CACNA1F: variants seen among roughly 807,000 people sequenced by gnomAD.
CACNA1F encodes calcium voltage-gated channel subunit alpha1 F.
In CACNA1F, 59 loss-of-function variants were observed where a neutral mutation model predicts 143.8. The observed-to-expected ratio is 0.41, with a 90% confidence interval of 0.33 to 0.51. CACNA1F has a LOEUF of 0.51. Ranked by LOEUF, CACNA1F falls within the 20% of genes least tolerant of loss-of-function variation. The pLI, the probability that CACNA1F is intolerant of heterozygous loss-of-function variation, is 0.22. For synonymous variants in CACNA1F, 643 were observed against 649.1 expected (o/e 0.99, Z 0.14); for missense variants, 1,411 against 1,647.5 (o/e 0.86, Z 2.48).
At chrX:49,206,392 CAA>C (rs1168190548) in intron 46 of CACNA1F, 117 bp downstream of exon 46, 6,916 of 149,107 alleles carry the variant, frequency 0.046, no homozygotes, top group East Asian at 0.08. Flanking sequence ...AACTCTGTCT[CAA>C]AAAAAAAAAA....
In CACNA1F at chrX:49,209,914, C is replaced by T. The variant is rs782221926; in HGVS notation, c.4690+27G>A. 14 of 1,147,672 alleles carry T rather than the reference C, an allele frequency of 1.2e-5. No individual in the cohort carries two copies. The East Asian group carries it at 1.8e-4, about 15-fold the overall frequency. 94.6% of individuals were successfully genotyped at this position (1,147,672 alleles called of 1,213,427 possible). A position where few individuals can be genotyped will look rare whatever the true frequency, so the allele number is the denominator to read the frequency against. ...ATCATCTGCCATTCAGGGGCTGGCGCGGGGAACTGGGGCGGGGATAGCTCA... is the reference window on the plus strand; with the variant it reads ...ATCATCTGCCATTCAGGGGCTGGCGTGGGGAACTGGGGCGGGGATAGCTCA... On this transcript the variant is annotated intron_variant, in intron 40 of 47. Coordinates refer to ENST00000323022, the MANE Select transcript of CACNA1F (RefSeq NM_001256789.3).
At chrX:49,214,407 G>C in intron 29 of CACNA1F, 138 bp from the exon 30 acceptor site, 1 of 512,112 alleles carries the variant, frequency 2.0e-6, no homozygotes, top group Non-Finnish European at 3.5e-6. Flanking sequence ...TGCACTGTCT[G>C]CCTCCCATTA....
In CACNA1F at chrX:49,230,567, G is replaced by A. The variant is rs112730838; in HGVS notation, c.564C>T (p.Gly188=). ...GCTTTCCCCCGGTGTGCGGGGCGTC[G>A]CCTGGCCGTCCGGGGCCCTGCTCCA... The part of the protein sequence containing the change: ...VLLEQGPGRP[G]DAPHTGGKPG... Residue 188 remains glycine, a synonymous_variant, in exon 5 of 48, where the codon GGC becomes GGT. Transcript: ENST00000323022. 1.4e-5 allele frequency: 16 copies of A among 1,176,340 alleles called. No homozygotes were observed. The highest frequency in any genetic ancestry group is 2.5e-5 in the Admixed American group (1 of 40,455).
At chrX:49,218,839 G>C (rs781893732) in intron 22 of CACNA1F, 43 bp downstream of exon 22, 293 of 1,129,777 alleles carry the variant, frequency 2.6e-4, no homozygotes, top group Middle Eastern at 5.9e-4. Flanking sequence ...GGTGGGGAGA[G>C]TGCCAGGGCA....
rs782773906 is a variant in CACNA1F, at chrX:49,221,114, G to A, written c.2289-34C>T. 1.7e-5 allele frequency: 19 copies of A among 1,127,430 alleles called. No individual in the cohort carries two copies. In the South Asian group the frequency reaches 2.2e-4, roughly 13 times the overall value. The allele number at this position is 1,127,430 out of a possible 1,213,427, so 92.9% of individuals were successfully genotyped here. On this transcript the variant is annotated intron_variant, in intron 17 of 47. Coordinates refer to ENST00000323022, the MANE Select transcript of CACNA1F (RefSeq NM_001256789.3). The stretch of plus-strand genomic sequence containing the variant: ...GGAAATAGGGGTGATTGCTGCAGAT[G>A]GGCTAAGGGAGATCACTACAGTCAG...
intron 8 of CACNA1F, 119 bp downstream of exon 8, chrX:49,227,917 T>G: frequency 3.7e-6 from 2 of 544,266 alleles, no homozygotes; most frequent in Non-Finnish European, 6.6e-6. Context: ...CAATAGATGC[T>G]CATGATTGAA....
chrX:49,225,437 C>T (rs2065814282), intron 13 of CACNA1F, among the ~76,000 whole-genome samples: 1 of 111,284 alleles, frequency 9.0e-6, no homozygotes, highest in South Asian at 3.8e-4. Flanking sequence ...ATCATTTACT[C>T]CTCTTCGCTG....
chrX:49,226,256 G>A lies in CACNA1F; in HGVS notation c.1464-13C>T, dbSNP rs951817259. 8 of 1,201,010 alleles carry A rather than the reference G, an allele frequency of 6.7e-6. No homozygotes were observed. Among genetic ancestry groups the A allele is most frequent in the Non-Finnish European group, 7.9e-6 (7 of 885,754 alleles). On this transcript the variant is annotated splice_polypyrimidine_tract_variant and intron_variant, in intron 11 of 47. Coordinates refer to ENST00000323022, the MANE Select transcript of CACNA1F (RefSeq NM_001256789.3). ...CATGATCTTGTTTCTGAAAAAGAAG[G>A]GGGATGGGAGGTGTGTGTCGTAAAG...
In CACNA1F at chrX:49,209,398, G is replaced by T. The variant is rs1557105686; in HGVS notation, c.4822-5C>A. On this transcript the variant is annotated splice_polypyrimidine_tract_variant and splice_region_variant and intron_variant, in intron 41 of 47. Transcript: ENST00000323022. ...CTGCAGGCTCCGCAGACCAGCCTGT[G>T]GGGGTGGAGAAATAGGTAAGCAGGC... 5.0e-6 allele frequency: 6 copies of T among 1,207,700 alleles called. No individual in the cohort carries two copies. The highest frequency in any genetic ancestry group is 1.8e-5 in the South Asian group (1 of 56,642).
Position 49,209,353 on chromosome X carries a change from C to G in CACNA1F, c.4862G>C (p.Arg1621Pro), listed in dbSNP as rs1187765018. 20 of 1,209,561 alleles carry G rather than the reference C, an allele frequency of 1.7e-5. No homozygotes were observed. Among genetic ancestry groups the G allele is most frequent in the Non-Finnish European group, 2.2e-5 (20 of 893,898 alleles). ...CTCTGTGTCACAGGTGAGGGCCTGC[C>G]GCATCTCAGGACCCAAGTCCTGCAG... ...RSLQDLGPEM[R>P]QALTCDTEEE... The change falls in exon 42 of 48, where the codon CGG becomes CCG. Residue 1621 changes from arginine (R) to proline (P), a missense_variant. Arg to Pro is a moderately radical substitution (Grantham distance 103). Coordinates refer to ENST00000323022, the MANE Select transcript of CACNA1F (RefSeq NM_001256789.3).
At chrX:49,222,472 A>T in intron 17 of CACNA1F, 50 bp downstream of exon 17, 2 of 1,054,926 alleles carry the variant, frequency 1.9e-6, no homozygotes, top group Non-Finnish European at 2.6e-6. Flanking sequence ...AGGGGTTCCC[A>T]GTCAGGGATC....
Position 49,211,468 on chromosome X carries a change from C to T in CACNA1F, c.4114G>A (p.Glu1372Lys). 2 of 1,208,738 alleles carry T rather than the reference C, an allele frequency of 1.7e-6. No individual in the cohort carries two copies. The highest frequency in any genetic ancestry group is 2.2e-6 in the Non-Finnish European group (2 of 892,708). Residue 1372 changes from glutamate to lysine, a missense_variant, in exon 36 of 48, where the codon GAG becomes AAG. Glu to Lys is a moderately conservative substitution (Grantham distance 56). Coordinates refer to ENST00000323022, the MANE Select transcript of CACNA1F (RefSeq NM_001256789.3). ...GCAAGCATTATCTCCTGCCATGCCT[C>T]ACCAGTGGCACACCTGGTGGGAGTC... ...VLLLFRCATG[E>K]AWQEIMLASL...
rs11796927 is a variant in CACNA1F, at chrX:49,232,109, T to C, written c.26-182A>G. On this transcript the variant is annotated intron_variant, in intron 1 of 47. Coordinates refer to ENST00000323022, the MANE Select transcript of CACNA1F (RefSeq NM_001256789.3). ...GTTCGAATTAAGATTAGAGTGAGAG[T>C]TTATAGGGGAGTGAAGGTGAGATTA... Among the ~76,000 whole-genome samples, 5,585 of 110,152 alleles carry C rather than the reference T, an allele frequency of 0.051. 175 individuals are homozygous for C. Among genetic ancestry groups the C allele is most frequent in the Non-Finnish European group, 0.079 (4,138 of 52,661 alleles).
At chrX:49,221,545 A>G (rs2065774929) in intron 17 of CACNA1F, among the ~76,000 whole-genome samples, 1 of 109,508 alleles carries the variant, frequency 9.1e-6, no homozygotes, top group African/African-American at 3.3e-5. Context: ...TTGTATTTTT[A>G]GTAGAGACAG....
intron 33 of CACNA1F, 48 bp from the exon 34 acceptor site, chrX:49,212,356 C>A: frequency 2.0e-6 from 2 of 1,012,727 alleles, no homozygotes; most frequent in Non-Finnish European, 1.4e-6. Context: ...CAGGCTCAGG[C>A]AAAGAACTAT....
chrX:49,209,831 C>T, intron 40 of CACNA1F, 72 bp from the exon 41 acceptor site: 1 of 1,171,155 alleles, frequency 8.5e-7, no homozygotes, highest in Non-Finnish European at 1.2e-6. Context: ...GCCTCTCTAC[C>T]CACCAGCATG....
Position 49,215,182 on chromosome X carries a change from C to A in CACNA1F, c.3501G>T (p.Pro1167=), listed in dbSNP as rs143720262. ...CAGTGGCCCACACACGATACTGATG[C>A]GGGTTCTTGGGGATGTAACGGCGGA... ...QPLRRYIPKN[P]HQYRVWATVN... is the part of the protein sequence containing the mutation. The change falls in exon 29 of 48, where the codon CCG becomes CCT. Residue 1167 remains proline, a synonymous_variant. Coordinates refer to ENST00000323022, the MANE Select transcript of CACNA1F (RefSeq NM_001256789.3). 1.4e-5 allele frequency: 17 copies of A among 1,208,162 alleles called. No homozygotes were observed.
chrX:49,231,146 G>A (rs1602657629), intron 3 of CACNA1F, 56 bp downstream of exon 3: 1 of 897,954 alleles, frequency 1.1e-6, no homozygotes, highest in East Asian at 3.4e-5. Context: ...TGGAAGGAGT[G>A]AGCTCTACTG....
intron 6 of CACNA1F, among the ~76,000 whole-genome samples, chrX:49,229,329 G>A (rs782334618): frequency 2.5e-4 from 28 of 110,713 alleles, no homozygotes; most frequent in Non-Finnish European, 4.7e-4. Flanking sequence ...GCTCAACTTT[G>A]TATTTTTAGT....
Sources: allele counts gnomAD v4.1 joint callset (sites outside exome capture counted in the v4.1 genomes callset), GRCh38; gene constraint gnomAD v4.1.1; transcripts MANE v1.5; gene names NCBI Gene and HGNC (gene_info 2026-07-23, HGNC 2026-07-21).